SHISA9: variants seen among roughly 807,000 people sequenced by gnomAD.
SHISA9 encodes the protein protein shisa-9.
A neutral mutation model predicts 38.0 loss-of-function variants in SHISA9; 13 were observed. That is an observed-to-expected ratio of 0.34 (90% CI 0.22 to 0.54). SHISA9 has a LOEUF of 0.54. Ranked by LOEUF, SHISA9 falls within the 20% of genes least tolerant of loss-of-function variation. The pLI is 0.91. For synonymous variants in SHISA9, 275 were observed against 242.0 expected, an observed-to-expected ratio of 1.14 and a Z score of -1.27; for missense variants, 538 against 575.8, an observed-to-expected ratio of 0.93 and a Z score of 0.67.
chr16:13,015,895 T>C (rs1567182400), intron 2 of SHISA9, among the ~76,000 whole-genome samples: 24 of 119,210 alleles, frequency 2.0e-4, no homozygotes, highest in Non-Finnish European at 2.7e-4. Context: ...TCTTTCTTTC[T>C]TTCTTTCTTT....
the SHISA9 span, among the ~76,000 whole-genome samples, chr16:13,403,346 T>C: frequency 3.3e-3 from 508 of 152,344 alleles, 2 homozygotes; most frequent in African/African-American, 0.011. Flanking sequence ...AAATAGCTCT[T>C]TTATTCCTGA....
chr16:13,411,340 GGT>G, the SHISA9 span, among the ~76,000 whole-genome samples: 14 of 152,216 alleles, frequency 9.2e-5, no homozygotes, highest in Admixed American at 5.9e-4. Flanking sequence ...CCACTATCCA[GGT>G]GTGTGGTCCT....
chr16:13,247,516 C>G, the SHISA9 span, among the ~76,000 whole-genome samples: 1 of 152,170 alleles, frequency 6.6e-6, no homozygotes, highest in African/African-American at 2.4e-5. Flanking sequence ...TCCACAATTT[C>G]TAGCACCCCA....
At chr16:13,213,333 A>G (rs966679405) in intron 4 of SHISA9, 33 bp downstream of exon 4, 17 of 1,546,674 alleles carry the variant, frequency 1.1e-5, no homozygotes, top group East Asian at 7.3e-5. Flanking sequence ...TCTTTTGTCC[A>G]GGTGTTGTCA....
the SHISA9 span, among the ~76,000 whole-genome samples, chr16:13,315,925 G>A: frequency 6.6e-6 from 1 of 151,940 alleles, no homozygotes. Flanking sequence ...AAGTGAATAT[G>A]GATAAAATTG....
chr16:12,906,363 T>C (rs1246490586), intron 1 of SHISA9, among the ~76,000 whole-genome samples: 2 of 152,196 alleles, frequency 1.3e-5, no homozygotes, highest in Non-Finnish European at 2.9e-5. Context: ...GCCTCCAAGA[T>C]ACCAGTTTGC....
intron 2 of SHISA9, among the ~76,000 whole-genome samples, chr16:12,961,024 G>A (rs1219926838): frequency 1.3e-5 from 2 of 151,828 alleles, no homozygotes; most frequent in Non-Finnish European, 1.5e-5. Flanking sequence ...TCTGTAACAT[G>A]TGGGGGGGAT....
chr16:13,387,025 G>T, the SHISA9 span, among the ~76,000 whole-genome samples: 1 of 152,224 alleles, frequency 6.6e-6, no homozygotes, highest in East Asian at 1.9e-4. Flanking sequence ...ATCTATAAAC[G>T]ATTCTGTGCC....
At chr16:13,300,097 C>G in the SHISA9 span, among the ~76,000 whole-genome samples, 1 of 152,056 alleles carries the variant, frequency 6.6e-6, no homozygotes, top group Non-Finnish European at 1.5e-5. Flanking sequence ...ACTAAAATTG[C>G]ACCTTGATCC....
chr16:13,539,722 G>T, the SHISA9 span, among the ~76,000 whole-genome samples: 4 of 152,084 alleles, frequency 2.6e-5, no homozygotes, highest in African/African-American at 9.7e-5. Context: ...GAACCCAATA[G>T]ATGGTTTTTG....
chr16:13,515,246 A>G, the SHISA9 span, among the ~76,000 whole-genome samples: 2 of 152,274 alleles, frequency 1.3e-5, no homozygotes, highest in Admixed American at 1.3e-4. Flanking sequence ...CCAGACATAC[A>G]AAATCTAAAT....
chr16:13,520,603 C>CAAAAAAAAAAA, the SHISA9 span, among the ~76,000 whole-genome samples: 1 of 56,230 alleles, frequency 1.8e-5, no homozygotes, highest in African/African-American at 7.7e-5. Flanking sequence ...AACTCTGTCT[C>CAAAAAAAAAAA]AAAAAAAAAA....
rs541469646 is a variant in SHISA9, at chr16:12,957,970, G to T, written c.691+41155G>T. The stretch of plus-strand genomic sequence containing the variant: ...TATTTAAGCCTAATGACCTCCCCAA[G>T]ATTCCACCTCCAAATACCATCGCAA... On this transcript the variant is annotated intron_variant, in intron 2 of 4. Transcript: ENST00000558583. Among the ~76,000 whole-genome samples the T allele has an allele frequency of 2.7e-3, 409 of 152,300 alleles. 1 individual carries two copies. Among genetic ancestry groups the T allele is most frequent in the Admixed American group, 5.9e-3 (90 of 15,288 alleles).
chr16:13,491,482 G>A, the SHISA9 span, among the ~76,000 whole-genome samples: 2 of 149,930 alleles, frequency 1.3e-5, no homozygotes, highest in East Asian at 2.0e-4. Flanking sequence ...TTACTCATAA[G>A]AGGGCTGGAT....
chr16:13,262,678 G>GAGGGAGGA, the SHISA9 span, among the ~76,000 whole-genome samples: 23 of 55,898 alleles, frequency 4.1e-4, 1 homozygote, highest in Admixed American at 1.7e-3. Context: ...GGAAGGGAGG[G>GAGGGAGGA]AGGAAGGAAG....
chr16:13,075,923 C>A (rs924663422), intron 2 of SHISA9, among the ~76,000 whole-genome samples: 1 of 152,110 alleles, frequency 6.6e-6, no homozygotes. Context: ...TGGCTTCTAC[C>A]CATCAGATGC....
chr16:13,469,439 AAGAAAG>A, the SHISA9 span, among the ~76,000 whole-genome samples: 9 of 150,626 alleles, frequency 6.0e-5, no homozygotes, highest in Non-Finnish European at 2.9e-5. Flanking sequence ...AAGAAAGAGA[AAGAAAG>A]AGAAAGAACT....
chr16:13,453,778 C>A, the SHISA9 span, among the ~76,000 whole-genome samples: 1 of 152,156 alleles, frequency 6.6e-6, no homozygotes, highest in South Asian at 2.1e-4. Flanking sequence ...TAGGAGAAGG[C>A]TTAGGTCTGG....
chr16:13,159,641 T>C (rs892728683), intron 2 of SHISA9, among the ~76,000 whole-genome samples: 1 of 152,236 alleles, frequency 6.6e-6, no homozygotes, highest in African/African-American at 2.4e-5. Flanking sequence ...AAAGATTTAC[T>C]ATATTTCAGT....
Sources: gnomAD v4.1 joint callset for allele counts (sites outside exome capture counted in the v4.1 genomes callset) on GRCh38, gnomAD v4.1.1 for gene constraint, MANE v1.5 for transcripts, NCBI Gene and HGNC (gene_info 2026-07-23, HGNC 2026-07-21) for gene names.